Variants in ZNF180 observed in about 807,000 individuals in gnomAD.
ZNF180 encodes the protein zinc finger protein 180.
A neutral mutation model predicts 11.8 loss-of-function variants in ZNF180; 11 were observed. The observed-to-expected ratio is 0.93, with a 90% CI of 0.59 to 1.55. The LOEUF is 1.55. Among genes scored for constraint, ZNF180 ranks in the 40% most tolerant of loss-of-function variants. ZNF180 has a pLI of 0.00. For synonymous variants in ZNF180, 287 were observed against 257.7 expected, an observed-to-expected ratio of 1.11 and a Z score of -1.09; for missense variants, 773 against 781.7, an observed-to-expected ratio of 0.99 and a Z score of 0.13.
chr19:44,500,302 G>A lies in ZNF180; in HGVS notation c.-71C>T. ...GGGCGTCCGCTGGCCCGCAGCCCAGGCTGGGCCTGTCACCGCCTCAGTGCC... is the reference window on the plus strand; with the variant it reads ...GGGCGTCCGCTGGCCCGCAGCCCAGACTGGGCCTGTCACCGCCTCAGTGCC... On this transcript the variant is annotated 5_prime_UTR_variant, in exon 1 of 5. Coordinates refer to ENST00000592529, the MANE Select transcript of ZNF180 (RefSeq NM_001278509.3). 6.2e-7 allele frequency: 1 copy of A among 1,604,936 alleles called. No individual in the cohort carries two copies. Among genetic ancestry groups the A allele is most frequent in the Non-Finnish European group, 8.5e-7 (1 of 1,174,598 alleles).
intron 2 of ZNF180, chr19:44,484,767 G>T: frequency 3.5e-6 from 1 of 286,830 alleles, no homozygotes; most frequent in Non-Finnish European, 6.6e-6. Flanking sequence ...AGCGGGACCT[G>T]CCAAAATTCC....
At chr19:44,491,079 A>G (rs1207659170) in intron 2 of ZNF180, among the ~76,000 whole-genome samples, 3 of 152,220 alleles carry the variant, frequency 2.0e-5, no homozygotes, top group African/African-American at 4.8e-5. Flanking sequence ...CCATGCTTAG[A>G]TCACTACTGA....
chr19:44,491,472 C>A (rs982860537), intron 2 of ZNF180, among the ~76,000 whole-genome samples: 2 of 152,262 alleles, frequency 1.3e-5, no homozygotes, highest in African/African-American at 2.4e-5. Context: ...TTAGCTCCCT[C>A]AGTTTCCTTC....
At chr19:44,482,332 T>G (rs1269199910) in intron 3 of ZNF180, among the ~76,000 whole-genome samples, 1 of 152,100 alleles carries the variant, frequency 6.6e-6, no homozygotes, top group Non-Finnish European at 1.5e-5. Context: ...CAATAAAATA[T>G]TGCAGTTTCA....
rs114968434 is a variant in ZNF180 at position 44,496,001 on chromosome 19, G to A, written c.51+1283C>T. ...TTAAGAGTTTTCAAAGAATATTTGC[G>A]GTGGGAAATGTTCTAAATTGTTAAC... On this transcript the variant is annotated intron_variant, in intron 2 of 4. Transcript: ENST00000592529. Among the ~76,000 whole-genome samples, 587 of 152,214 alleles carry A rather than the reference G, an allele frequency of 3.9e-3. 5 individuals carry two copies. The highest frequency in any genetic ancestry group is 0.013 in the African/African-American group (533 of 41,544).
chr19:44,495,689 A>G lies in ZNF180; in HGVS notation c.51+1595T>C, dbSNP rs906889393. Among the ~76,000 whole-genome samples the G allele has an allele frequency of 2.6e-5, 4 of 151,970 alleles. No homozygotes were observed. Among genetic ancestry groups the G allele is most frequent in the Admixed American group, 2.6e-4 (4 of 15,268 alleles). ...ATCACCCCACACCAGATCTCCATAT[A>G]TGGACACTGGCCTCAGCCACTTGGG... is the stretch of plus-strand genomic sequence containing the variant. On this transcript the variant is annotated intron_variant, in intron 2 of 4. Transcript: ENST00000592529. The surrounding 1 kb of genome is among the most constrained non-coding windows in gnomAD (Gnocchi z 4.5).
At chr19:44,500,125 AACTC>A in intron 1 of ZNF180, 146 bp downstream of exon 1, 1 of 1,604,308 alleles carries the variant, frequency 6.2e-7, no homozygotes, top group South Asian at 1.1e-5. Context: ...CTGTATCAGT[AACTC>A]CATCAACCCC....
intron 4 of ZNF180, among the ~76,000 whole-genome samples, chr19:44,478,964 T>C (rs1405914417): frequency 6.6e-6 from 1 of 152,218 alleles, no homozygotes; most frequent in African/African-American, 2.4e-5. Flanking sequence ...AACTAGGAGA[T>C]TGTATCTGCT....
At chr19:44,490,555 T>C (rs1423614413) in intron 2 of ZNF180, among the ~76,000 whole-genome samples, 1 of 152,028 alleles carries the variant, frequency 6.6e-6, no homozygotes, top group Admixed American at 6.6e-5. Context: ...GCCTGGGAAA[T>C]GAGAAAAGTT....
At position 44,479,229 on chromosome 19, in the gene ZNF180, A is replaced by G. The variant is rs1017190708; in HGVS notation, c.253+54T>C. 17 of 1,591,044 alleles carry G rather than the reference A, an allele frequency of 1.1e-5. No homozygotes were observed. In the Admixed American group the frequency reaches 3.1e-4, roughly 29 times the overall value. On this transcript the variant is annotated intron_variant, in intron 4 of 4. Transcript: ENST00000592529. ...AATTTCACAGTTCTTAATCGATCAG[A>G]ATGTGAAATCATTTCAGTAGATGGA... is the stretch of plus-strand genomic sequence containing the variant.
chr19:44,477,041 A>G lies in ZNF180; in HGVS notation c.1359T>C (p.Leu453=). The G allele has an allele frequency of 6.2e-7, 1 of 1,614,094 alleles. No homozygotes were observed. Among genetic ancestry groups the G allele is most frequent in the East Asian group, 2.2e-5 (1 of 44,862 alleles). ...CGKSFIQSYK[L]IAHQRIHTGE... is the part of the protein sequence containing the mutation. ...CAGTATGAATTCTTTGATGTGCAAT[A>G]AGTTTATAGCTCTGGATAAATGATT... The change falls in exon 5 of 5, where the codon CTT becomes CTC. Residue 453 remains leucine, a synonymous_variant. Transcript: ENST00000592529.
chr19:44,500,289 G>C lies in ZNF180; in HGVS notation c.-58C>G. The C allele has an allele frequency of 6.2e-7, 1 of 1,610,862 alleles. No homozygotes were observed. Among genetic ancestry groups the C allele is most frequent in the Non-Finnish European group, 8.5e-7 (1 of 1,178,844 alleles). On this transcript the variant is annotated 5_prime_UTR_variant, in exon 1 of 5. Coordinates refer to ENST00000592529, the MANE Select transcript of ZNF180 (RefSeq NM_001278509.3). The stretch of plus-strand genomic sequence containing the variant: ...CCCCTACCAACCTGGGCGTCCGCTG[G>C]CCCGCAGCCCAGGCTGGGCCTGTCA...
rs11881569 is a variant in ZNF180, at chr19:44,495,339, C to A, written c.51+1945G>T. Reference sequence around the variant, plus strand: ...CCTGCTTAGGCTTTGACTCCCCGGGCTAGGCTGCCCCATCTCTCAGACTCA... The same window carrying A: ...CCTGCTTAGGCTTTGACTCCCCGGGATAGGCTGCCCCATCTCTCAGACTCA... On this transcript the variant is annotated intron_variant, in intron 2 of 4. Transcript: ENST00000592529. This position sits in a 1 kb window ranked among gnomAD's most constrained non-coding sequence, Gnocchi z 4.5. 0.066 allele frequency among the ~76,000 whole-genome samples: 9,967 copies of A among 152,040 alleles called. 1,080 individuals carry two copies. Among genetic ancestry groups the A allele is most frequent in the African/African-American group, 0.23 (9,389 of 41,396 alleles).
chr19:44,476,579 T>G lies in ZNF180; in HGVS notation c.1821A>C (p.Glu607Asp). Reference protein sequence around the residue: ...QRTHTGEKPFECNQCGKTFSL... With the variant: ...QRTHTGEKPFDCNQCGKTFSL... ...TAAATGTTTTTCCACACTGATTACA[T>G]TCAAATGGTTTCTCTCCAGTATGAG... The change falls in exon 5 of 5, where the codon GAA becomes GAC. Residue 607 changes from glutamate to aspartate, a missense_variant. Coordinates refer to ENST00000592529, the MANE Select transcript of ZNF180 (RefSeq NM_001278509.3). The G allele has an allele frequency of 6.2e-7, 1 of 1,614,144 alleles. No homozygotes were observed.
rs1250353440 is a variant in ZNF180 at position 44,495,722 on chromosome 19, A to C, written c.51+1562T>G. Reference sequence around the variant, plus strand: ...TGGCCTCAGCCACTTGGGCTCTGACACCCACATTGGGCTGCACCACGTGCA... The same window carrying C: ...TGGCCTCAGCCACTTGGGCTCTGACCCCCACATTGGGCTGCACCACGTGCA... On this transcript the variant is annotated intron_variant, in intron 2 of 4. Coordinates refer to ENST00000592529, the MANE Select transcript of ZNF180 (RefSeq NM_001278509.3). The surrounding 1 kb of genome is among the most constrained non-coding windows in gnomAD (Gnocchi z 4.5). Among the ~76,000 whole-genome samples, 1 of 152,040 alleles carries C rather than the reference A, an allele frequency of 6.6e-6. No individual in the cohort carries two copies.
intron 2 of ZNF180, 76 bp downstream of exon 2, chr19:44,497,208 G>A: frequency 2.2e-6 from 3 of 1,354,862 alleles, no homozygotes; most frequent in East Asian, 2.8e-5. Context: ...TGCAAAGAGA[G>A]TCAGGGAGGA....
At position 44,497,227 on chromosome 19, in the gene ZNF180, C is replaced by T; in HGVS notation, c.51+57G>A. The T allele has an allele frequency of 4.7e-6, 7 of 1,474,064 alleles. No individual in the cohort carries two copies. In the South Asian group the frequency reaches 9.4e-5, roughly 20 times the overall value. The allele number at this position is 1,474,064 out of a possible 1,614,324, so 91.3% of individuals were successfully genotyped here. A position where few individuals can be genotyped will look rare whatever the true frequency, so the allele number is the denominator to read the frequency against. On this transcript the variant is annotated intron_variant, in intron 2 of 4. Coordinates refer to ENST00000592529, the MANE Select transcript of ZNF180 (RefSeq NM_001278509.3). ...AAGAGAGTCAGGGAGGAGCCACAGC[C>T]TCCCAAGCTGAGAGGGTCAGGCTGC...
intron 2 of ZNF180, chr19:44,496,677 A>C (rs1300820568): frequency 2.9e-4 from 23 of 79,334 alleles, no homozygotes; most frequent in African/African-American, 5.9e-4. Context: ...TGTCTCAAAA[A>C]AAAAAAAAAA....
Position 44,477,700 on chromosome 19 carries a change from T to G in ZNF180, c.700A>C (p.Ile234Leu). ...TTTGTTTGAGTTCTTGTAAACTGAA[T>G]AAGGTGAATGCTCTGAGGGGGTTTT... is the stretch of plus-strand genomic sequence containing the variant. ...CGKPPQSIHL[I>L]QFTRTQTKDK... Residue 234 changes from isoleucine (I) to leucine (L), a missense_variant, in exon 5 of 5, where the codon ATT (isoleucine) becomes CTT (leucine). Coordinates refer to ENST00000592529, the MANE Select transcript of ZNF180 (RefSeq NM_001278509.3). 6.2e-7 allele frequency: 1 copy of G among 1,614,054 alleles called. No homozygotes were observed.
Sources: allele counts gnomAD v4.1 joint callset (sites outside exome capture counted in the v4.1 genomes callset), GRCh38; gene constraint gnomAD v4.1.1; non-coding constraint Gnocchi (gnomAD v3.1); transcripts MANE v1.5; gene names NCBI Gene and HGNC (gene_info 2026-07-23, HGNC 2026-07-21).